Variants in GALNT13 observed in about 807,000 individuals in gnomAD.
The protein encoded by GALNT13 is UDP-GalNAc:polypeptide N-acetylgalactosaminyltransferase 13.
Under a neutral mutation model 64.2 loss-of-function variants are expected in GALNT13, and 28 were observed. The ratio of observed to expected loss-of-function variants is 0.44; its 90% CI spans 0.32 to 0.60. The LOEUF (loss-of-function observed/expected upper bound fraction) is 0.60, where lower values mean the gene tolerates loss of function less well. Ranked by LOEUF, GALNT13 falls within the 20% of genes least tolerant of loss-of-function variation. The probability of loss-of-function intolerance (pLI) is 0.05; values close to 1 mark genes in which losing one functional copy is unlikely to be tolerated. For missense variants in GALNT13, 577 were observed against 669.8 expected, an observed-to-expected ratio of 0.86 and a Z score of 1.53; for synonymous variants, 214 against 224.6, an observed-to-expected ratio of 0.95 and a Z score of 0.42.
chr2:153,903,065 A>C (rs1688335418), intron 2 of GALNT13, among the ~76,000 whole-genome samples: 2 of 152,050 alleles, frequency 1.3e-5, no homozygotes, highest in Admixed American at 1.3e-4. Context: ...AAAAATCTTG[A>C]CCTTTAGGGA....
intron 2 of GALNT13, among the ~76,000 whole-genome samples, chr2:153,913,017 A>T (rs181574415): frequency 5.3e-5 from 8 of 152,246 alleles, no homozygotes; most frequent in Admixed American, 5.2e-4. Flanking sequence ...TCAGGGAGAC[A>T]GGGGTCCTCC....
the GALNT13 span, among the ~76,000 whole-genome samples, chr2:153,235,024 T>C: frequency 4.6e-5 from 7 of 152,166 alleles, no homozygotes; most frequent in African/African-American, 1.7e-4. Flanking sequence ...CTGTTATCAG[T>C]GATCTCTGAT....
the GALNT13 span, among the ~76,000 whole-genome samples, chr2:153,513,784 T>C: frequency 6.6e-6 from 1 of 152,142 alleles, no homozygotes; most frequent in East Asian, 1.9e-4. Context: ...CCCTTCTCAT[T>C]TCCTAACCCG....
chr2:154,182,658 GTATTA>G (rs1205692513), intron 4 of GALNT13, among the ~76,000 whole-genome samples: 3 of 148,092 alleles, frequency 2.0e-5, no homozygotes, highest in Non-Finnish European at 4.5e-5. Context: ...ATAAAAATAT[GTATTA>G]TATTTATATA....
the GALNT13 span, among the ~76,000 whole-genome samples, chr2:153,625,431 C>T: frequency 1.3e-5 from 2 of 152,082 alleles, no homozygotes; most frequent in African/African-American, 4.8e-5. Context: ...AACACTGTGA[C>T]AGTTTAAGAT....
chr2:153,225,872 C>T, the GALNT13 span, among the ~76,000 whole-genome samples: 6 of 152,090 alleles, frequency 3.9e-5, no homozygotes, highest in African/African-American at 1.4e-4. Flanking sequence ...ACTCAATATT[C>T]ATAACGTGTC....
At chr2:153,334,708 A>T in the GALNT13 span, among the ~76,000 whole-genome samples, 24 of 152,204 alleles carry the variant, frequency 1.6e-4, no homozygotes, top group African/African-American at 5.3e-4. Context: ...AAGTAACTTG[A>T]CATGTTATAA....
chr2:153,373,132 TTGTGTGTGTG>T, the GALNT13 span, among the ~76,000 whole-genome samples: 2,279 of 148,842 alleles, frequency 0.015, 58 homozygotes, highest in African/African-American at 0.053. Flanking sequence ...TTCTGTTGCT[TTGTGTGTGTG>T]TGTGTGTGTG....
chr2:153,276,233 C>A, the GALNT13 span, among the ~76,000 whole-genome samples: 2 of 151,892 alleles, frequency 1.3e-5, no homozygotes, highest in South Asian at 4.1e-4. Context: ...TTTTCACTTG[C>A]GTTTATACTT....
At chr2:153,773,587 A>G in the GALNT13 span, among the ~76,000 whole-genome samples, 1 of 152,164 alleles carries the variant, frequency 6.6e-6, no homozygotes. Flanking sequence ...CTCTTTTTCT[A>G]GGTTTTTTTT....
intron 4 of GALNT13, among the ~76,000 whole-genome samples, chr2:154,227,928 A>G (rs1252452484): frequency 6.6e-6 from 1 of 152,096 alleles, no homozygotes; most frequent in African/African-American, 2.4e-5. Flanking sequence ...TATTTATTGA[A>G]TTCTGTTTTT....
chr2:153,753,755 A>G, the GALNT13 span, among the ~76,000 whole-genome samples: 2 of 152,206 alleles, frequency 1.3e-5, no homozygotes, highest in South Asian at 4.1e-4. Context: ...CTCTACAGTC[A>G]GCAGGTGGCA....
the GALNT13 span, among the ~76,000 whole-genome samples, chr2:153,555,312 A>G: frequency 1.5e-5 from 2 of 129,490 alleles, no homozygotes; most frequent in African/African-American, 6.2e-5. Context: ...CTCCTGCCTC[A>G]GCCTCCCGAG....
At chr2:154,299,070 A>G (rs1021107984) in intron 8 of GALNT13, among the ~76,000 whole-genome samples, 1 of 147,844 alleles carries the variant, frequency 6.8e-6, no homozygotes, top group African/African-American at 2.5e-5. Context: ...GATAAAATAT[A>G]TATTTTATAT....
intron 1 of GALNT13, among the ~76,000 whole-genome samples, chr2:153,884,854 TATACACAC>T (rs747264224): frequency 1.1e-3 from 90 of 80,266 alleles, no homozygotes; most frequent in East Asian, 6.3e-3. Context: ...TATATATGTA[TATACACAC>T]ACACACACAC....
the GALNT13 span, among the ~76,000 whole-genome samples, chr2:153,101,629 A>G: frequency 6.6e-6 from 1 of 152,214 alleles, no homozygotes; most frequent in Non-Finnish European, 1.5e-5. Context: ...AAATTTAACA[A>G]TGGGTTTTGT....
chr2:153,655,217 A>G, the GALNT13 span, among the ~76,000 whole-genome samples: 1 of 152,230 alleles, frequency 6.6e-6, no homozygotes, highest in Admixed American at 6.6e-5. Context: ...ATTACACATA[A>G]TTTATCCACC....
At chr2:154,112,498 A>G (rs1188329526) in intron 3 of GALNT13, among the ~76,000 whole-genome samples, 1 of 152,192 alleles carries the variant, frequency 6.6e-6, no homozygotes, top group African/African-American at 2.4e-5. Context: ...GGAGAGGTCC[A>G]TCCACATCCC....
chr2:153,469,231 C>A, the GALNT13 span, among the ~76,000 whole-genome samples: 1 of 152,074 alleles, frequency 6.6e-6, no homozygotes, highest in African/African-American at 2.4e-5. Flanking sequence ...ACTGAGAACA[C>A]TGTGCCTCCA....
Sources: gnomAD v4.1 joint callset for allele counts (sites outside exome capture counted in the v4.1 genomes callset) on GRCh38, gnomAD v4.1.1 for gene constraint, MANE v1.5 for transcripts, NCBI Gene and HGNC (gene_info 2026-07-23, HGNC 2026-07-21) for gene names.